The following PALS1 variants were observed in gnomAD, a reference collection of about 807,000 sequenced individuals.
The protein encoded by PALS1 is protein associated with LIN7 1, MAGUK p55 family member.
Under a neutral mutation model 78.9 loss-of-function variants are expected in PALS1, and 31 were observed. That is an observed-to-expected ratio of 0.39 (90% CI 0.30 to 0.53). The LOEUF (loss-of-function observed/expected upper bound fraction) is 0.53, where lower values mean the gene tolerates loss of function less well. Among genes scored for constraint, PALS1 ranks in the 20% least tolerant of loss-of-function variants. The pLI, the probability that PALS1 is intolerant of heterozygous loss-of-function variation, is 0.67. For missense variants in PALS1, 704 were observed against 826.5 expected, an observed-to-expected ratio of 0.85 and a Z score of 1.82; for synonymous variants, 276 against 270.9, an observed-to-expected ratio of 1.02 and a Z score of -0.18.
chr14:67,270,691 T>C (rs1325823630), intron 2 of PALS1: 1 of 152,092 alleles, frequency 6.6e-6, no homozygotes, highest in Non-Finnish European at 1.5e-5. Context: ...GCTAGAGTAT[T>C]TGTGGAGTGC....
At chr14:67,321,448 A>G (rs2085264029) in intron 13 of PALS1, among the ~76,000 whole-genome samples, 189 bp downstream of exon 13, 1 of 152,212 alleles carries the variant, frequency 6.6e-6, no homozygotes, top group Non-Finnish European at 1.5e-5. Flanking sequence ...GAGGGAAAAC[A>G]TATACATACT....
chr14:67,256,101 T>TG (rs1325186856), intron 1 of PALS1, among the ~76,000 whole-genome samples: 22 of 152,182 alleles, frequency 1.4e-4, no homozygotes, highest in East Asian at 1.3e-3. Context: ...CATACTTTTT[T>TG]TGTGTGAATA....
intron 1 of PALS1, among the ~76,000 whole-genome samples, chr14:67,247,016 A>AT (rs1310325478): frequency 6.6e-6 from 1 of 152,168 alleles, no homozygotes; most frequent in East Asian, 1.9e-4. Context: ...CTTTTTCAAA[A>AT]TTGTTATGAC....
chr14:67,320,243 G>A lies in PALS1; in HGVS notation c.1383G>A (p.Glu461=), dbSNP rs778296380. The A allele has an allele frequency of 2.5e-6, 4 of 1,606,734 alleles. No individual in the cohort carries two copies. The highest frequency in any genetic ancestry group is 2.2e-5 in the East Asian group (1 of 44,746). The stretch of plus-strand genomic sequence containing the variant: ...TTTTTCCCAAAGATTATGACAACGA[G>A]GAGATCTTAACCTATGAGGAAATGT... ...NANKNDDYDN[E]EILTYEEMSL... is the part of the protein sequence containing the mutation. Residue 461 remains glutamate (E), a synonymous_variant, in exon 12 of 15, where the codon GAG becomes GAA. Coordinates refer to ENST00000261681, the MANE Select transcript of PALS1 (RefSeq NM_022474.4).
rs1449379424 is a variant in PALS1 at position 67,334,856 on chromosome 14, T to G, written c.*1900T>G. 1 of 152,238 alleles carries G rather than the reference T, an allele frequency of 6.6e-6. No homozygotes were observed. The highest frequency in any genetic ancestry group is 1.9e-4 in the East Asian group (1 of 5,208). The allele number at this position is 152,238 out of a possible 1,614,324, so 9.4% of individuals were successfully genotyped here. On this transcript the variant is annotated 3_prime_UTR_variant, in exon 15 of 15. Transcript: ENST00000261681. ...TCCAGTTTACGTCTCAGGAATGAAG[T>G]GTAGTCTATGGTTGACAATGGAGTT...
intron 3 of PALS1, among the ~76,000 whole-genome samples, chr14:67,287,182 G>C (rs990415984): frequency 6.6e-6 from 1 of 151,988 alleles, no homozygotes; most frequent in South Asian, 2.1e-4. Flanking sequence ...TCACACCACC[G>C]AACTCTAGCC....
At chr14:67,318,780 G>A (rs1045675027) in intron 11 of PALS1, among the ~76,000 whole-genome samples, 2 of 152,096 alleles carry the variant, frequency 1.3e-5, no homozygotes, top group Non-Finnish European at 2.9e-5. Context: ...ATATTAGGCC[G>A]GGCGCGGTGG....
chr14:67,279,702 C>T, intron 3 of PALS1, 165 bp downstream of exon 3: 1 of 589,686 alleles, frequency 1.7e-6, no homozygotes, highest in Non-Finnish European at 2.7e-6. Context: ...CTATTGTTTA[C>T]TGTTACCAAC....
At chr14:67,245,270 A>C (rs533973502) in intron 1 of PALS1, among the ~76,000 whole-genome samples, 2 of 152,328 alleles carry the variant, frequency 1.3e-5, no homozygotes, top group South Asian at 4.1e-4. Flanking sequence ...CATTTCCACC[A>C]GCAATATATG....
chr14:67,276,003 TTC>T (rs2084497247), intron 2 of PALS1, among the ~76,000 whole-genome samples: 1 of 152,186 alleles, frequency 6.6e-6, no homozygotes, highest in South Asian at 2.1e-4. Flanking sequence ...TATTTGATTC[TTC>T]TCTCTTTTCT....
intron 14 of PALS1, among the ~76,000 whole-genome samples, chr14:67,325,112 A>G (rs539487202): frequency 5.9e-5 from 9 of 151,870 alleles, no homozygotes; most frequent in East Asian, 1.9e-4. Context: ...TCACCATGTT[A>G]GCCAGGATGG....
At chr14:67,303,195 G>A (rs1296051968) in intron 7 of PALS1, among the ~76,000 whole-genome samples, 2 of 152,178 alleles carry the variant, frequency 1.3e-5, no homozygotes, top group African/African-American at 2.4e-5. Flanking sequence ...AGTATAATCA[G>A]AAAATCATTT....
At chr14:67,317,343 A>T in intron 10 of PALS1, 65 bp from the exon 11 acceptor site, 6 of 1,331,106 alleles carry the variant, frequency 4.5e-6, no homozygotes, top group Non-Finnish European at 4.2e-6. Context: ...AGAGTTCTTC[A>T]ATTTGAGTTA....
chr14:67,331,495 A>T (rs2085448751), intron 14 of PALS1, among the ~76,000 whole-genome samples: 1 of 152,132 alleles, frequency 6.6e-6, no homozygotes, highest in Non-Finnish European at 1.5e-5. Context: ...TGAATCTCTG[A>T]ATCTGTTCTG....
At chr14:67,249,089 A>T (rs2084027518) in intron 1 of PALS1, among the ~76,000 whole-genome samples, 1 of 151,928 alleles carries the variant, frequency 6.6e-6, no homozygotes, top group Non-Finnish European at 1.5e-5. Flanking sequence ...CAGCCTCCCG[A>T]GTAGCTGGGA....
intron 1 of PALS1, among the ~76,000 whole-genome samples, chr14:67,247,830 CA>C (rs1474334289): frequency 5.3e-5 from 8 of 152,154 alleles, no homozygotes; most frequent in African/African-American, 1.9e-4. Flanking sequence ...CTGCCCACCT[CA>C]GCCTCCCAAA....
At chr14:67,294,622 G>A (rs1336894262) in intron 4 of PALS1, 1 of 151,520 alleles carries the variant, frequency 6.6e-6, no homozygotes, top group Non-Finnish European at 1.5e-5. Context: ...TTAAATCTTT[G>A]ATGATCTAGC....
chr14:67,287,694 C>G (rs1489408461), intron 3 of PALS1, among the ~76,000 whole-genome samples: 1 of 152,046 alleles, frequency 6.6e-6, no homozygotes, highest in Non-Finnish European at 1.5e-5. Context: ...TAATTTTATC[C>G]TAGAAATTTA....
chr14:67,302,123 G>GTA lies in PALS1; in HGVS notation c.801+6_801+7insAT. On this transcript the variant is annotated splice_donor_region_variant and intron_variant, in intron 6 of 14. Transcript: ENST00000261681. ...AAGGCTCGTGATATTCCGTTGGTAA[G>GTA]TGTCCCACATACTGTTTTTAAACAA... 1 of 1,598,190 alleles carries GTA rather than the reference G, an allele frequency of 6.3e-7. No homozygotes were observed. The highest frequency in any genetic ancestry group is 8.5e-7 in the Non-Finnish European group (1 of 1,173,544).
Sources: gnomAD v4.1 joint callset for allele counts (sites outside exome capture counted in the v4.1 genomes callset) on GRCh38, gnomAD v4.1.1 for gene constraint, MANE v1.5 for transcripts, NCBI Gene and HGNC (gene_info 2026-07-23, HGNC 2026-07-21) for gene names.